The following IQSEC1 variants were observed in gnomAD, a reference collection of about 807,000 sequenced individuals.
IQSEC1 encodes the protein IQ motif and SEC7 domain-containing protein 1.
IQSEC1 carries 31 observed loss-of-function variants against 91.0 expected under a neutral mutation model. That is an observed-to-expected ratio of 0.34 (90% CI 0.26 to 0.46). The LOEUF (loss-of-function observed/expected upper bound fraction) is 0.46. IQSEC1 is among the 20% of genes least tolerant of loss of function. The pLI is 1.00. For missense variants in IQSEC1, 1,388 were observed against 1,575.6 expected (o/e 0.88, Z 2.02); for synonymous variants, 699 against 662.6 (o/e 1.05, Z -0.84).
chr3:13,164,322 C>G (rs1693431427), intron 1 of IQSEC1, among the ~76,000 whole-genome samples: 2 of 152,178 alleles, frequency 1.3e-5, no homozygotes, highest in Admixed American at 6.5e-5. Context: ...GAACTGTATT[C>G]AGAAAGTCCA....
At chr3:13,059,748 C>G (rs1705000789) in intron 1 of IQSEC1, among the ~76,000 whole-genome samples, 1 of 152,010 alleles carries the variant, frequency 6.6e-6, no homozygotes, top group South Asian at 2.1e-4. Flanking sequence ...AAGACCCTAT[C>G]TCTAAAAAAT....
At chr3:13,241,449 G>T (rs754989375) in intron 1 of IQSEC1, among the ~76,000 whole-genome samples, 1 of 152,150 alleles carries the variant, frequency 6.6e-6, no homozygotes, top group Non-Finnish European at 1.5e-5. Flanking sequence ...CCGCTGTGAC[G>T]TCCTTTAACC....
chr3:13,038,540 A>G (rs1407603821), intron 1 of IQSEC1, among the ~76,000 whole-genome samples: 2 of 152,076 alleles, frequency 1.3e-5, no homozygotes, highest in Non-Finnish European at 2.9e-5. Context: ...TGGTTAATGA[A>G]TACAAAAAAT....
At chr3:13,016,997 C>G (rs1703164370) in intron 1 of IQSEC1, among the ~76,000 whole-genome samples, 1 of 152,224 alleles carries the variant, frequency 6.6e-6, no homozygotes, top group Non-Finnish European at 1.5e-5. Context: ...TTCCGTCTGG[C>G]TTCTTTCACT....
chr3:13,186,512 C>T (rs1211097892), intron 1 of IQSEC1, among the ~76,000 whole-genome samples: 2 of 152,302 alleles, frequency 1.3e-5, no homozygotes, highest in East Asian at 3.9e-4. Context: ...ATTTGCCTAC[C>T]TTGCAGTTAC....
chr3:13,034,002 C>T (rs1036203964), intron 1 of IQSEC1, among the ~76,000 whole-genome samples: 1 of 152,202 alleles, frequency 6.6e-6, no homozygotes, highest in African/African-American at 2.4e-5. Flanking sequence ...ATAAGGGTGC[C>T]AGTCAGACTG....
At chr3:13,083,451 A>G (rs1031720419) in intron 2 of IQSEC1, among the ~76,000 whole-genome samples, 5 of 152,246 alleles carry the variant, frequency 3.3e-5, no homozygotes, top group African/African-American at 1.2e-4. Flanking sequence ...CAAACGACTC[A>G]GCCTCTCTGG....
intron 1 of IQSEC1, among the ~76,000 whole-genome samples, chr3:13,218,068 C>G (rs889806115): frequency 6.6e-6 from 1 of 152,232 alleles, no homozygotes; most frequent in Non-Finnish European, 1.5e-5. Flanking sequence ...GCTTCCGAGG[C>G]CCCCTGGCAG....
chr3:13,009,257 G>T (rs1185643991), intron 1 of IQSEC1, among the ~76,000 whole-genome samples: 1 of 152,200 alleles, frequency 6.6e-6, no homozygotes. Flanking sequence ...GCCAATCCAG[G>T]ACCGGTGCCC....
rs568040042 is a variant in IQSEC1 at position 13,033,028 on chromosome 3, G to A, written c.23+39964C>T. 1.2e-4 allele frequency among the ~76,000 whole-genome samples: 18 copies of A among 152,268 alleles called. No individual in the cohort carries two copies. The South Asian group carries it at 3.5e-3, about 30-fold the overall frequency. ...TGACCTCTCGCTTTACAATACTCAC[G>A]TGGTGTTGCAAGACAAACAACAGCC... On this transcript the variant is annotated intron_variant, in intron 1 of 13. Transcript: ENST00000613206.
intron 1 of IQSEC1, among the ~76,000 whole-genome samples, chr3:13,069,467 C>A (rs459392): frequency 0.11 from 17,315 of 152,244 alleles, 1,126 homozygotes; most frequent in Non-Finnish European, 0.15. Flanking sequence ...CCCACCAGGG[C>A]TTCGCTTCCT....
intron 1 of IQSEC1, among the ~76,000 whole-genome samples, chr3:13,199,484 G>A (rs1432064014): frequency 6.6e-6 from 1 of 152,144 alleles, no homozygotes; most frequent in Non-Finnish European, 1.5e-5. Context: ...TGTGGACATT[G>A]CCTCAAATCC....
intron 2 of IQSEC1, among the ~76,000 whole-genome samples, chr3:13,153,935 C>T (rs1408874674): frequency 3.9e-5 from 6 of 151,988 alleles, no homozygotes; most frequent in East Asian, 3.9e-4. Flanking sequence ...GCAAACTGGA[C>T]GCTTCAACAT....
chr3:13,253,788 T>C (rs1387867979), intron 1 of IQSEC1, among the ~76,000 whole-genome samples: 1 of 152,006 alleles, frequency 6.6e-6, no homozygotes, highest in African/African-American at 2.4e-5. Context: ...AAGGCCACGG[T>C]TTTATCTGAC....
Position 13,282,701 on chromosome 3 carries a change from C to A in IQSEC1, c.272+10G>T, listed in dbSNP as rs889163306. 3.3e-5 allele frequency among the ~76,000 whole-genome samples: 5 copies of A among 150,814 alleles called. No homozygotes were observed. Among genetic ancestry groups the A allele is most frequent in the African/African-American group, 7.3e-5 (3 of 41,306 alleles). On this transcript the variant is annotated intron_variant, in intron 1 of 15. Coordinates refer to the IQSEC1 transcript ENST00000648114. The surrounding 1 kb of genome is among the most constrained non-coding windows in gnomAD (Gnocchi z 6.4). ...TCCCCGACACGCCCGCCGCCCCGGGCCCCGCTTACTTGTCGCGGCGGCCGC... is the reference window on the plus strand; with the variant it reads ...TCCCCGACACGCCCGCCGCCCCGGGACCCGCTTACTTGTCGCGGCGGCCGC...
intron 2 of IQSEC1, among the ~76,000 whole-genome samples, chr3:13,163,610 C>T (rs543457532): frequency 6.6e-6 from 1 of 152,290 alleles, no homozygotes; most frequent in South Asian, 2.1e-4. Flanking sequence ...TCCACCCCCA[C>T]CTACCCTCGG....
intron 2 of IQSEC1, among the ~76,000 whole-genome samples, chr3:13,116,073 C>G (rs1455033645): frequency 1.3e-5 from 2 of 152,222 alleles, no homozygotes; most frequent in East Asian, 3.8e-4. Context: ...GAAGAAGGGT[C>G]CCATAGGACT....
chr3:12,942,676 T>C (rs954677376), intron 1 of IQSEC1, among the ~76,000 whole-genome samples: 2 of 152,194 alleles, frequency 1.3e-5, no homozygotes, highest in African/African-American at 4.8e-5. Flanking sequence ...GGCCAGCCCT[T>C]GTGCTGGTGT....
chr3:13,174,858 C>T (rs185437313), intron 1 of IQSEC1, among the ~76,000 whole-genome samples: 346 of 150,320 alleles, frequency 2.3e-3, no homozygotes, highest in African/African-American at 7.3e-3. Flanking sequence ...CCTCCCACCA[C>T]TGTCTCTCTC....
Sources: gnomAD v4.1 joint callset for allele counts (sites outside exome capture counted in the v4.1 genomes callset) on GRCh38, gnomAD v4.1.1 for gene constraint, Gnocchi (gnomAD v3.1) non-coding constraint, MANE v1.5 for transcripts, NCBI Gene and HGNC (gene_info 2026-07-23, HGNC 2026-07-21) for gene names.